The following TMEM67 variants were observed in gnomAD, a reference collection of about 807,000 sequenced individuals.
TMEM67 encodes the protein transmembrane protein 67.
In TMEM67, 124 loss-of-function variants were observed where a neutral mutation model predicts 136.6. The ratio of observed to expected loss-of-function variants is 0.91; its 90% CI spans 0.78 to 1.05. The LOEUF (loss-of-function observed/expected upper bound fraction) is 1.05. Among genes scored for constraint, TMEM67 ranks in the 50% least tolerant of loss-of-function variants. The pLI is 0.00. For synonymous variants in TMEM67, 364 were observed against 390.5 expected, an observed-to-expected ratio of 0.93 and a Z score of 0.80; for missense variants, 1,107 against 1,178.4, an observed-to-expected ratio of 0.94 and a Z score of 0.89.
intron 2 of TMEM67, 32 bp from the exon 3 acceptor site, chr8:93,758,451 A>C (rs1158551809): frequency 5.8e-6 from 9 of 1,544,368 alleles, no homozygotes; most frequent in Non-Finnish European, 8.1e-6. Context: ...TTAATTAAAA[A>C]AGAGAAAAGC....
chr8:93,775,445 G>A lies in TMEM67; in HGVS notation c.714+2794G>A, dbSNP rs186423874. On this transcript the variant is annotated intron_variant, in intron 7 of 27. Transcript: ENST00000453321. Reference sequence around the variant, plus strand: ...CCTTGCCCGTGCCTATGTCCTGAATGGTATTGCCTAGGTTTTCTTCTAGGG... The same window carrying A: ...CCTTGCCCGTGCCTATGTCCTGAATAGTATTGCCTAGGTTTTCTTCTAGGG... 1.3e-3 allele frequency among the ~76,000 whole-genome samples: 200 copies of A among 152,242 alleles called. 4 individuals carry two copies. The highest frequency in any genetic ancestry group is 0.011 in the Admixed American group (172 of 15,298).
At chr8:93,788,525 G>C (rs1305067455) in intron 14 of TMEM67, among the ~76,000 whole-genome samples, 2 of 152,142 alleles carry the variant, frequency 1.3e-5, no homozygotes, top group African/African-American at 4.8e-5. Context: ...TCGCGCCACT[G>C]CACTCCAGCC....
At chr8:93,770,029 T>C (rs1813262839) in intron 6 of TMEM67, among the ~76,000 whole-genome samples, 2 of 152,222 alleles carry the variant, frequency 1.3e-5, no homozygotes, top group African/African-American at 4.8e-5. Context: ...CATGAGTTAG[T>C]GTCTCCCCAT....
At chr8:93,793,735 A>T (rs888263786) in intron 16 of TMEM67, among the ~76,000 whole-genome samples, 5 of 151,338 alleles carry the variant, frequency 3.3e-5, no homozygotes, top group African/African-American at 1.2e-4. Context: ...TATTTGAAGA[A>T]TTTTTTTTTG....
chr8:93,757,764 GA>G (rs1484202150), intron 2 of TMEM67, among the ~76,000 whole-genome samples: 244 of 150,746 alleles, frequency 1.6e-3, no homozygotes, highest in African/African-American at 5.5e-3. Context: ...AATCATAAAT[GA>G]ATTTTTTTTT....
At chr8:93,781,437 G>C (rs1813822029) in intron 9 of TMEM67, among the ~76,000 whole-genome samples, 1 of 152,158 alleles carries the variant, frequency 6.6e-6, no homozygotes, top group African/African-American at 2.4e-5. Context: ...TCTGTCACTA[G>C]TGCTGCCTCT....
rs191046586 is a variant in TMEM67, at chr8:93,790,697, C to T, written c.1519-566C>T. 1.5e-3 allele frequency among the ~76,000 whole-genome samples: 226 copies of T among 152,264 alleles called. 5 individuals are homozygous for T. The highest frequency in any genetic ancestry group is 0.013 in the South Asian group (64 of 4,812). The stretch of plus-strand genomic sequence containing the variant: ...AATGATTTCCACATATAGTGGCTTT[C>T]TTTACCTTGACATTTATACAACATT... On this transcript the variant is annotated intron_variant, in intron 14 of 27. Coordinates refer to ENST00000453321, the MANE Select transcript of TMEM67 (RefSeq NM_153704.6).
intron 7 of TMEM67, among the ~76,000 whole-genome samples, chr8:93,773,918 T>C (rs1428619681): frequency 3.3e-5 from 5 of 152,172 alleles, no homozygotes; most frequent in African/African-American, 1.2e-4. Flanking sequence ...ATGTTTGTGT[T>C]ATTTCTCTTC....
At chr8:93,796,500 T>C (rs73694962) in intron 18 of TMEM67, among the ~76,000 whole-genome samples, 2,474 of 152,318 alleles carry the variant, frequency 0.016, 72 homozygotes, top group African/African-American at 0.054. Context: ...CTGTGAGTGT[T>C]AAGTGTCTGC....
At chr8:93,759,465 G>GAAAAAA (rs759770096) in intron 3 of TMEM67, 1 of 65,056 alleles carries the variant, frequency 1.5e-5, no homozygotes, top group Non-Finnish European at 3.1e-5. Context: ...CCTGTCTCAT[G>GAAAAAA]AAAAAAAAAA....
At position 93,784,832 on chromosome 8, in the gene TMEM67, C is replaced by T. The variant is rs534638836; in HGVS notation, c.1132-390C>T. Among the ~76,000 whole-genome samples the T allele has an allele frequency of 2.2e-4, 34 of 152,276 alleles. No homozygotes were observed. The South Asian group carries it at 5.0e-3, about 22-fold the overall frequency. ...TGGTTAATGGAAGCCAGATCATATACATCATTGTACAGCAGGAGAAAAAAT... is the reference window on the plus strand; with the variant it reads ...TGGTTAATGGAAGCCAGATCATATATATCATTGTACAGCAGGAGAAAAAAT... On this transcript the variant is annotated intron_variant, in intron 11 of 27. Transcript: ENST00000453321.
intron 17 of TMEM67, 65 bp from the exon 18 acceptor site, chr8:93,795,836 A>AAAAC (rs566892857): frequency 1.5e-5 from 20 of 1,338,326 alleles, no homozygotes; most frequent in East Asian, 9.2e-5. Context: ...ACGAAAACAA[A>AAAAC]AAACAAACAA....
downstream of TMEM67, chr8:93,819,193 A>G (rs1586106831): frequency 2.3e-6 from 1 of 441,490 alleles, no homozygotes; most frequent in Non-Finnish European, 4.5e-6. Context: ...GCCCCAAAAT[A>G]TATTTTTTTC....
At chr8:93,763,719 A>G (rs1812952202) in intron 3 of TMEM67, 123 bp from the exon 4 acceptor site, 1 of 702,090 alleles carries the variant, frequency 1.4e-6, no homozygotes, top group East Asian at 2.7e-5. Flanking sequence ...TAATGCAAAT[A>G]AAGTGTTTTG....
chr8:93,826,894 A>G, the TMEM67 span, among the ~76,000 whole-genome samples: 1 of 152,308 alleles, frequency 6.6e-6, no homozygotes, highest in South Asian at 2.1e-4. Flanking sequence ...CAATGGTGCA[A>G]TCTCGGCTCA....
intron 7 of TMEM67, 58 bp from the exon 8 acceptor site, chr8:93,780,535 A>T: frequency 6.2e-7 from 1 of 1,608,896 alleles, no homozygotes; most frequent in Non-Finnish European, 8.5e-7. Flanking sequence ...TTTTATATCA[A>T]CTTTTGCATA....
At chr8:93,767,866 T>C (rs1201139403) in intron 6 of TMEM67, among the ~76,000 whole-genome samples, 7 of 24,628 alleles carry the variant, frequency 2.8e-4, no homozygotes, top group African/African-American at 1.3e-3. Context: ...CTTTTTTCTT[T>C]TTTTTTTTTT....
At chr8:93,782,636 C>A (rs1237252996) in intron 11 of TMEM67, among the ~76,000 whole-genome samples, 176 bp downstream of exon 11, 5 of 141,280 alleles carry the variant, frequency 3.5e-5, no homozygotes, top group African/African-American at 1.3e-4. Flanking sequence ...TGCAGTGGTG[C>A]AATCTCAGTT....
At chr8:93,807,691 AT>A (rs1454289028) in intron 23 of TMEM67, among the ~76,000 whole-genome samples, 1 of 151,806 alleles carries the variant, frequency 6.6e-6, no homozygotes, top group Non-Finnish European at 1.5e-5. Context: ...CAAGAAAAAA[AT>A]TTTTTAAATA....
Sources: gnomAD v4.1 joint callset for allele counts (sites outside exome capture counted in the v4.1 genomes callset) on GRCh38, gnomAD v4.1.1 for gene constraint, MANE v1.5 for transcripts, NCBI Gene and HGNC (gene_info 2026-07-23, HGNC 2026-07-21) for gene names.